Variants in GLI3 observed in about 807,000 individuals in gnomAD.
GLI3 encodes the protein transcription activator GLI3.
GLI3 carries 20 observed loss-of-function variants against 100.8 expected under a neutral mutation model. The observed-to-expected ratio is 0.20, with a 90% CI of 0.14 to 0.29. GLI3 has a LOEUF of 0.29. Among genes scored for constraint, GLI3 ranks in the 10% least tolerant of loss-of-function variants. GLI3 has a pLI of 1.00. For missense variants in GLI3, 2,040 were observed against 2,128.5 expected (o/e 0.96, Z 0.82); for synonymous variants, 938 against 860.5 (o/e 1.09, Z -1.58).
At chr7:42,075,460 A>T (rs1737540352) in intron 4 of GLI3, among the ~76,000 whole-genome samples, 1 of 152,186 alleles carries the variant, frequency 6.6e-6, no homozygotes, top group East Asian at 1.9e-4. Context: ...GGGGTGAATT[A>T]CATGTCATGT....
chr7:41,994,692 AAAGT>A (rs1788076858), intron 10 of GLI3, among the ~76,000 whole-genome samples: 1 of 152,220 alleles, frequency 6.6e-6, no homozygotes, highest in Admixed American at 6.5e-5. Flanking sequence ...CCTCCCCACC[AAAGT>A]AAGAATTTCA....
At chr7:42,138,843 C>T (rs920700056) in intron 3 of GLI3, among the ~76,000 whole-genome samples, 2 of 152,210 alleles carry the variant, frequency 1.3e-5, no homozygotes, top group Non-Finnish European at 1.5e-5. Context: ...ACGTAAACAC[C>T]CCGCTTCCTA....
chr7:42,179,651 C>T (rs947548791), intron 2 of GLI3, among the ~76,000 whole-genome samples: 2 of 152,044 alleles, frequency 1.3e-5, no homozygotes, highest in African/African-American at 4.8e-5. Flanking sequence ...AGAGAAAAGT[C>T]CACAGAATTT....
intron 2 of GLI3, chr7:42,151,866 C>T (rs1039166640): frequency 3.3e-5 from 5 of 151,468 alleles, no homozygotes; most frequent in African/African-American, 1.2e-4. Context: ...AAGCAAGTGA[C>T]ATCAAGTCAG....
At chr7:42,171,690 A>G (rs1184951806) in intron 2 of GLI3, among the ~76,000 whole-genome samples, 1 of 152,240 alleles carries the variant, frequency 6.6e-6, no homozygotes, top group African/African-American at 2.4e-5. Flanking sequence ...GCTCAAGTTT[A>G]TACAGTTCTT....
chr7:41,978,889 A>T (rs1787580799), intron 10 of GLI3, 141 bp from the exon 11 acceptor site: 1 of 787,278 alleles, frequency 1.3e-6, no homozygotes, highest in African/African-American at 1.7e-5. Flanking sequence ...ACAGATTATA[A>T]AAATTCCAGT....
At position 42,000,929 on chromosome 7, in the gene GLI3, C is replaced by T. The variant is rs150835837; in HGVS notation, c.1498-22181G>A. 4.1e-4 allele frequency among the ~76,000 whole-genome samples: 62 copies of T among 152,012 alleles called. No homozygotes were observed. The East Asian group carries it at 9.3e-3, about 23-fold the overall frequency. Reference sequence around the variant, plus strand: ...ACGTATAAGACCTAGGTATATTTGGCACCATTAAAACATTTTAAGAAAAAA... The same window carrying T: ...ACGTATAAGACCTAGGTATATTTGGTACCATTAAAACATTTTAAGAAAAAA... On this transcript the variant is annotated intron_variant, in intron 10 of 14. Coordinates refer to ENST00000395925, the MANE Select transcript of GLI3 (RefSeq NM_000168.6).
At chr7:42,084,013 C>T (rs1785049964) in intron 3 of GLI3, among the ~76,000 whole-genome samples, 2 of 152,084 alleles carry the variant, frequency 1.3e-5, no homozygotes, top group African/African-American at 4.8e-5. Context: ...TTTCTAAAAC[C>T]CAATAAGCTT....
chr7:42,065,835 A>T (rs1391305383), intron 4 of GLI3, among the ~76,000 whole-genome samples: 1 of 152,196 alleles, frequency 6.6e-6, no homozygotes, highest in East Asian at 1.9e-4. Flanking sequence ...AAAGAAAACC[A>T]AATGACTTAG....
At chr7:42,127,820 C>A (rs1786171324) in intron 3 of GLI3, among the ~76,000 whole-genome samples, 2 of 151,868 alleles carry the variant, frequency 1.3e-5, no homozygotes, top group African/African-American at 2.4e-5. Context: ...CCAGCCTGGG[C>A]AACATGGCAA....
chr7:42,006,301 G>C (rs914516728), intron 10 of GLI3, among the ~76,000 whole-genome samples: 6 of 152,150 alleles, frequency 3.9e-5, no homozygotes, highest in African/African-American at 1.4e-4. Flanking sequence ...TGTATGCACA[G>C]GAATTATTCC....
chr7:42,137,321 C>T (rs747779990), intron 3 of GLI3, among the ~76,000 whole-genome samples: 10 of 152,158 alleles, frequency 6.6e-5, no homozygotes, highest in Non-Finnish European at 1.3e-4. Context: ...AGAGTGACAG[C>T]CCTAAAATAA....
intron 6 of GLI3, among the ~76,000 whole-genome samples, chr7:42,042,085 C>T (rs868472924): frequency 8.8e-5 from 13 of 148,564 alleles, no homozygotes; most frequent in African/African-American, 3.0e-4. Context: ...ACGATCTCGG[C>T]TCACTGCAAC....
Position 42,148,209 on chromosome 7 carries a change from C to A in GLI3, c.367+17G>T. The A allele has an allele frequency of 6.2e-7, 1 of 1,602,704 alleles. No individual in the cohort carries two copies. The highest frequency in any genetic ancestry group is 8.5e-7 in the Non-Finnish European group (1 of 1,173,204). ...CCCATAGCTCCTGAACAAGTGCCGA[C>A]TGGCATGGGCACTTACGGTAGTGGG... is the stretch of plus-strand genomic sequence containing the variant. On this transcript the variant is annotated intron_variant, in intron 3 of 14. Coordinates refer to ENST00000395925, the MANE Select transcript of GLI3 (RefSeq NM_000168.6).
intron 1 of GLI3, among the ~76,000 whole-genome samples, chr7:42,227,125 C>A (rs1356619001): frequency 6.6e-6 from 1 of 152,190 alleles, no homozygotes; most frequent in Non-Finnish European, 1.5e-5. Context: ...GGAAAACATG[C>A]CACTGTTTTT....
At chr7:42,032,491 T>G (rs1237217535) in intron 7 of GLI3, among the ~76,000 whole-genome samples, 2 of 152,178 alleles carry the variant, frequency 1.3e-5, no homozygotes, top group Non-Finnish European at 2.9e-5. Context: ...TCATTAAACA[T>G]TTATTTACCC....
chr7:42,027,512 T>C (rs879332736), intron 7 of GLI3, among the ~76,000 whole-genome samples: 4 of 152,198 alleles, frequency 2.6e-5, no homozygotes, highest in Non-Finnish European at 5.9e-5. Flanking sequence ...ATTAAGCGCA[T>C]TAAAGGAGAA....
chr7:42,135,457 T>C, intron 3 of GLI3, among the ~76,000 whole-genome samples: 1 of 152,220 alleles, frequency 6.6e-6, no homozygotes, highest in East Asian at 1.9e-4. Context: ...TCAAGTCCCC[T>C]GAAACATTAC....
chr7:42,061,788 C>T (rs757382082), intron 4 of GLI3, among the ~76,000 whole-genome samples: 1 of 152,048 alleles, frequency 6.6e-6, no homozygotes, highest in Non-Finnish European at 1.5e-5. Context: ...TGATGGGGAA[C>T]AATTTGTCTA....
Sources: gnomAD v4.1 joint callset for allele counts (sites outside exome capture counted in the v4.1 genomes callset) on GRCh38, gnomAD v4.1.1 for gene constraint, MANE v1.5 for transcripts, NCBI Gene and HGNC (gene_info 2026-07-23, HGNC 2026-07-21) for gene names.